Variants in DOCK2 observed in about 807,000 individuals in gnomAD.
DOCK2 encodes the protein dedicator of cytokinesis 2, also known as dedicator of cytokinesis protein 2.
A neutral mutation model predicts 248.9 loss-of-function variants in DOCK2; 87 were observed. The ratio of observed to expected loss-of-function variants is 0.35; its 90% CI spans 0.29 to 0.42. DOCK2 has a LOEUF of 0.42. Among genes scored for constraint, DOCK2 ranks in the 10% least tolerant of loss-of-function variants. The pLI is 1.00. For missense variants in DOCK2, 1,747 were observed against 2,300.2 expected (o/e 0.76, Z 4.92); for synonymous variants, 805 against 821.6 (o/e 0.98, Z 0.35).
intron 27 of DOCK2, among the ~76,000 whole-genome samples, chr5:169,864,872 G>A (rs1771444625): frequency 6.6e-6 from 1 of 152,174 alleles, no homozygotes. Flanking sequence ...TAAAATGGGG[G>A]TAATAAGAGC....
chr5:169,650,173 C>G (rs2113149222), intron 1 of DOCK2, among the ~76,000 whole-genome samples: 1 of 152,280 alleles, frequency 6.6e-6, no homozygotes, highest in East Asian at 1.9e-4. Context: ...CCAGTAGGTA[C>G]TACATACTGT....
intron 25 of DOCK2, among the ~76,000 whole-genome samples, chr5:169,793,898 T>C (rs1766494575): frequency 6.6e-6 from 1 of 152,040 alleles, no homozygotes; most frequent in African/African-American, 2.4e-5. Flanking sequence ...GCAGCTGCCT[T>C]CTCCCCGTTC....
At position 170,075,998 on chromosome 5, in the gene DOCK2, A is replaced by T; in HGVS notation, c.4780A>T (p.Asn1594Tyr). Reference sequence around the variant, plus strand: ...GATCCATGAGAAAAGGGTGTCAGATAACTTGCGACCCTTCCATGACCGGAT... The same window carrying T: ...GATCCATGAGAAAAGGGTGTCAGATTACTTGCGACCCTTCCATGACCGGAT... ...IKIHEKRVSD[N>Y]LRPFHDRMEE... Residue 1594 changes from asparagine to tyrosine, a missense_variant, in exon 47 of 52, where the codon AAC (asparagine) becomes TAC (tyrosine). This residue lies in a region of DOCK2 where 513 missense variants were observed against 586.1 expected (regional missense o/e 0.88). Transcript: ENST00000520908. 6.2e-7 allele frequency: 1 copy of T among 1,614,186 alleles called. No individual in the cohort carries two copies.
At chr5:169,842,591 C>A (rs1396295385) in intron 27 of DOCK2, among the ~76,000 whole-genome samples, 1 of 152,128 alleles carries the variant, frequency 6.6e-6, no homozygotes, top group Non-Finnish European at 1.5e-5. Context: ...AACTCCTGAC[C>A]TCAAGTGAAG....
chr5:169,928,650 G>C (rs1641366560), intron 27 of DOCK2, among the ~76,000 whole-genome samples: 1 of 152,176 alleles, frequency 6.6e-6, no homozygotes. Flanking sequence ...AAAAGAGGCA[G>C]AGAGATCTAA....
chr5:169,826,082 T>TCATC (rs1280486274), intron 26 of DOCK2, among the ~76,000 whole-genome samples: 1 of 152,120 alleles, frequency 6.6e-6, no homozygotes, highest in East Asian at 1.9e-4. Context: ...ATTCATTCTT[T>TCATC]CATCCAACCA....
At chr5:169,924,899 G>T (rs1040445040) in intron 27 of DOCK2, among the ~76,000 whole-genome samples, 4 of 152,104 alleles carry the variant, frequency 2.6e-5, no homozygotes, top group African/African-American at 9.7e-5. Flanking sequence ...TCCTCTAGAA[G>T]TCCCCAGAAA....
At chr5:169,912,187 T>G (rs575942045) in intron 27 of DOCK2, among the ~76,000 whole-genome samples, 62 of 152,220 alleles carry the variant, frequency 4.1e-4, no homozygotes, top group African/African-American at 1.5e-3. Flanking sequence ...TCTTTTGTTT[T>G]GTCTTTCAGT....
chr5:170,057,734 G>T, intron 44 of DOCK2, 68 bp downstream of exon 44: 1 of 1,394,200 alleles, frequency 7.2e-7, no homozygotes, highest in Non-Finnish European at 9.7e-7. Context: ...AGTCTCCAAA[G>T]GCCCCTTTGA....
chr5:169,743,911 TA>T (rs1167537072), intron 22 of DOCK2, among the ~76,000 whole-genome samples: 4 of 148,710 alleles, frequency 2.7e-5, no homozygotes, highest in African/African-American at 9.8e-5. Flanking sequence ...ATTTAAATTA[TA>T]AATTTAAGAT....
intron 30 of DOCK2, among the ~76,000 whole-genome samples, chr5:170,008,243 A>G (rs1755143156): frequency 6.6e-6 from 1 of 151,388 alleles, no homozygotes; most frequent in Non-Finnish European, 1.5e-5. Flanking sequence ...AAAAAACCTA[A>G]AATTCTCCTC....
intron 26 of DOCK2, among the ~76,000 whole-genome samples, chr5:169,821,982 A>G (rs186279807): frequency 5.9e-5 from 9 of 152,364 alleles, no homozygotes; most frequent in African/African-American, 1.4e-4. Context: ...GTCTCTGATA[A>G]AACAGACTTT....
intron 33 of DOCK2, among the ~76,000 whole-genome samples, chr5:170,025,282 TG>T (rs1447160638): frequency 6.6e-6 from 1 of 152,256 alleles, no homozygotes; most frequent in Non-Finnish European, 1.5e-5. Context: ...CACCTGCTTT[TG>T]TAAATAAACT....
At chr5:169,637,779 C>T (rs1331936238) in intron 1 of DOCK2, among the ~76,000 whole-genome samples, 2 of 152,202 alleles carry the variant, frequency 1.3e-5, no homozygotes, top group Non-Finnish European at 2.9e-5. Flanking sequence ...CTTCCACCCC[C>T]TCCAAAGCGA....
chr5:169,784,192 C>A (rs1278913072), intron 25 of DOCK2, among the ~76,000 whole-genome samples: 2 of 151,942 alleles, frequency 1.3e-5, no homozygotes, highest in Admixed American at 6.6e-5. Context: ...CTGATCTTTT[C>A]AAACCTTTTG....
rs768639271 is a variant in DOCK2 at position 170,036,528 on chromosome 5, A to T, written c.3638A>T (p.Asp1213Val). The change falls in exon 36 of 52, where the codon GAT becomes GTT. Residue 1213 changes from aspartate (D) to valine (V), a missense_variant. By Grantham distance (152) the Asp-to-Val change is radical. Transcript: ENST00000520908. ...TCCCCTACCTAGAATTTCTACAAAG[A>T]TAACAACAGGGAGGAGATGTACATA... ...CTVNLLNFYK[D>V]NNREEMYIRY... 1.9e-6 allele frequency: 3 copies of T among 1,613,254 alleles called. No individual in the cohort carries two copies. The highest frequency in any genetic ancestry group is 2.5e-6 in the Non-Finnish European group (3 of 1,179,618).
rs116590429 is a variant in DOCK2, at chr5:169,863,827, A to G, written c.2799+22975A>G. Reference sequence around the variant, plus strand: ...CTGCCAGTTTATCTCATTTTTTTCTATGGTACCTGCTTATAACCTATAACC... The same window carrying G: ...CTGCCAGTTTATCTCATTTTTTTCTGTGGTACCTGCTTATAACCTATAACC... On this transcript the variant is annotated intron_variant, in intron 27 of 51. Transcript: ENST00000520908. Among the ~76,000 whole-genome samples the G allele has an allele frequency of 2.8e-3, 431 of 152,284 alleles. 2 individuals carry two copies. The highest frequency in any genetic ancestry group is 9.4e-3 in the African/African-American group (391 of 41,560).
At chr5:169,725,822 CA>C (rs1762442974) in intron 22 of DOCK2, among the ~76,000 whole-genome samples, 1 of 152,144 alleles carries the variant, frequency 6.6e-6, no homozygotes, top group Non-Finnish European at 1.5e-5. Flanking sequence ...CATGTCCCTG[CA>C]AAGGACATGA....
At chr5:169,801,157 T>TG (rs1766959665) in intron 25 of DOCK2, among the ~76,000 whole-genome samples, 7 of 117,962 alleles carry the variant, frequency 5.9e-5, no homozygotes, top group African/African-American at 1.5e-4. Flanking sequence ...TTTTTTTTTT[T>TG]TTTTTTTTTT....
Sources: gnomAD v4.1 joint callset for allele counts (sites outside exome capture counted in the v4.1 genomes callset) on GRCh38, gnomAD v4.1.1 for gene constraint, gnomAD v4.1.1 regional missense constraint, MANE v1.5 for transcripts, NCBI Gene and HGNC (gene_info 2026-07-23, HGNC 2026-07-21) for gene names.